Variants in RYR2 observed in about 807,000 individuals in gnomAD.
RYR2 encodes the protein ryanodine receptor 2.
In RYR2, 227 loss-of-function variants were observed where a neutral mutation model predicts 601.1. The observed-to-expected ratio is 0.38, with a 90% CI of 0.34 to 0.42. The LOEUF is 0.42. Among genes scored for constraint, RYR2 ranks in the 10% least tolerant of loss-of-function variants. RYR2 has a pLI of 1.00. For missense variants in RYR2, 4,646 were observed against 6,156.5 expected, an observed-to-expected ratio of 0.75 and a Z score of 8.21; for synonymous variants, 2,223 against 2,175.1, an observed-to-expected ratio of 1.02 and a Z score of -0.61.
Position 237,491,828 on chromosome 1 carries a change from T to C in RYR2, c.1731T>C (p.Cys577=), listed in dbSNP as rs1663383403. 3 of 1,468,298 alleles carry C rather than the reference T, an allele frequency of 2.0e-6. No homozygotes were observed. Among genetic ancestry groups the C allele is most frequent in the Non-Finnish European group, 2.8e-6 (3 of 1,068,416 alleles). The allele number at this position is 1,468,298 out of a possible 1,614,324, so 91.0% of individuals were successfully genotyped here. A position where few individuals can be genotyped will look rare whatever the true frequency, so the allele number is the denominator to read the frequency against. Residue 577 remains cysteine, a synonymous_variant, in exon 18 of 105, where the codon TGT becomes TGC. Coordinates refer to ENST00000366574, the MANE Select transcript of RYR2 (RefSeq NM_001035.3). ...ASSGILEVLH[C]VLVESPEALN... ...TAGGCATTCTGGAAGTTTTACACTGTGTTTTAGTAGAAAGTCCAGAAGCTC... is the reference window on the plus strand; with the variant it reads ...TAGGCATTCTGGAAGTTTTACACTGCGTTTTAGTAGAAAGTCCAGAAGCTC...
intron 16 of RYR2, among the ~76,000 whole-genome samples, chr1:237,459,115 G>T (rs1049213944): frequency 5.3e-5 from 8 of 152,348 alleles, no homozygotes; most frequent in African/African-American, 1.9e-4. Flanking sequence ...TGCAAATGCA[G>T]AAGTTATAGC....
intron 1 of RYR2, among the ~76,000 whole-genome samples, chr1:237,246,373 G>A (rs938031914): frequency 1.3e-5 from 2 of 152,156 alleles, no homozygotes; most frequent in Non-Finnish European, 2.9e-5. Flanking sequence ...TGAGATTACA[G>A]GCGTGAGCCA....
chr1:237,230,927 CAAAA>C (rs34596432), intron 1 of RYR2, among the ~76,000 whole-genome samples: 3 of 105,880 alleles, frequency 2.8e-5, no homozygotes, highest in African/African-American at 1.1e-4. Context: ...AGACTCGTCT[CAAAA>C]AAAAAAAAAA....
At position 237,504,177 on chromosome 1, in the gene RYR2, G is replaced by A. The variant is rs113325419; in HGVS notation, c.2613+672G>A. 3.6e-3 allele frequency among the ~76,000 whole-genome samples: 552 copies of A among 152,244 alleles called. 8 individuals carry two copies. The highest frequency in any genetic ancestry group is 0.013 in the African/African-American group (532 of 41,540). ...AGTGCATATTATACTTTTCATGCAC[G>A]TCTGTGTGAAGAGACTACTAAACAG... is the stretch of plus-strand genomic sequence containing the variant. On this transcript the variant is annotated intron_variant, in intron 22 of 104. Coordinates refer to ENST00000366574, the MANE Select transcript of RYR2 (RefSeq NM_001035.3).
chr1:237,667,343 A>G (rs1684416729), intron 57 of RYR2, among the ~76,000 whole-genome samples: 1 of 152,210 alleles, frequency 6.6e-6, no homozygotes, highest in South Asian at 2.1e-4. Flanking sequence ...TCCCATATGA[A>G]CGTATTAAAA....
At chr1:237,319,010 A>AT (rs917033910) in intron 2 of RYR2, among the ~76,000 whole-genome samples, 9 of 150,762 alleles carry the variant, frequency 6.0e-5, no homozygotes, top group East Asian at 1.9e-4. Flanking sequence ...TTTGTCAATG[A>AT]TTTTTTTTTC....
chr1:237,552,495 A>G (rs1279888317), intron 27 of RYR2, among the ~76,000 whole-genome samples: 1 of 152,066 alleles, frequency 6.6e-6, no homozygotes, highest in Non-Finnish European at 1.5e-5. Flanking sequence ...ACTACCGAAA[A>G]CACCTCCAAT....
rs141808175 is a variant in RYR2 at position 237,619,309 on chromosome 1, C to T, written c.5916+1823C>T. ...ATGGAAAAGAAATAGAAAGCCTCAACGGCAGAGAAACAAAATATATGGCAA... is the reference window on the plus strand; with the variant it reads ...ATGGAAAAGAAATAGAAAGCCTCAATGGCAGAGAAACAAAATATATGGCAA... On this transcript the variant is annotated intron_variant, in intron 38 of 104. Coordinates refer to ENST00000366574, the MANE Select transcript of RYR2 (RefSeq NM_001035.3). Among the ~76,000 whole-genome samples the T allele has an allele frequency of 7.6e-3, 1,162 of 152,076 alleles. 12 individuals are homozygous for T. Among genetic ancestry groups the T allele is most frequent in the African/African-American group, 0.025 (1,018 of 41,462 alleles).
At chr1:237,706,438 G>A (rs1367655797) in intron 67 of RYR2, among the ~76,000 whole-genome samples, 1 of 152,162 alleles carries the variant, frequency 6.6e-6, no homozygotes. Flanking sequence ...GTGCAATTTT[G>A]CTGCACAGTG....
intron 16 of RYR2, among the ~76,000 whole-genome samples, chr1:237,461,030 T>G (rs1028277654): frequency 1.3e-5 from 2 of 152,218 alleles, no homozygotes; most frequent in Non-Finnish European, 2.9e-5. Context: ...GAAACTTTAC[T>G]TAGATTTGTT....
At chr1:237,333,978 T>G (rs1472022627) in intron 3 of RYR2, among the ~76,000 whole-genome samples, 1 of 152,220 alleles carries the variant, frequency 6.6e-6, no homozygotes, top group Non-Finnish European at 1.5e-5. Context: ...CCTGTTCTTT[T>G]TTATTTAATA....
chr1:237,334,306 T>G (rs2149584262), intron 3 of RYR2, among the ~76,000 whole-genome samples: 1 of 152,154 alleles, frequency 6.6e-6, no homozygotes, highest in East Asian at 1.9e-4. Flanking sequence ...AAATATTACC[T>G]AATGTATGAA....
Position 237,830,565 on chromosome 1 carries a change from C to T in RYR2, c.14691C>T (p.Tyr4897=). ...KCFICGIGND[Y]FDTVPHGFET... ...TCATCTGTGGGATAGGCAATGATTA[C>T]TTCGACACAGTGCCACATGGCTTTG... The change falls in exon 103 of 105, where the codon TAC becomes TAT. Residue 4897 remains tyrosine, a synonymous_variant. Transcript: ENST00000366574. 6.2e-7 allele frequency: 1 copy of T among 1,611,088 alleles called. No homozygotes were observed. Among genetic ancestry groups the T allele is most frequent in the Non-Finnish European group, 8.5e-7 (1 of 1,177,292 alleles).
intron 2 of RYR2, among the ~76,000 whole-genome samples, chr1:237,323,742 A>C (rs913088565): frequency 6.6e-6 from 1 of 152,168 alleles, no homozygotes; most frequent in Non-Finnish European, 1.5e-5. Flanking sequence ...CACTCATTTA[A>C]ACGTGCTGCT....
At chr1:237,595,723 C>T (rs547986065) in intron 34 of RYR2, 66 bp downstream of exon 34, 3 of 1,529,752 alleles carry the variant, frequency 2.0e-6, no homozygotes, top group Admixed American at 2.3e-5. Flanking sequence ...TAAAGGAAAA[C>T]ACAGTTTGTA....
intron 2 of RYR2, among the ~76,000 whole-genome samples, chr1:237,305,712 A>G (rs1693803047): frequency 6.6e-6 from 1 of 152,340 alleles, no homozygotes; most frequent in East Asian, 1.9e-4. Flanking sequence ...CATTACAGGC[A>G]TGAGCCACTG....
intron 25 of RYR2, among the ~76,000 whole-genome samples, chr1:237,535,777 T>C (rs2147982048): frequency 6.6e-6 from 1 of 152,314 alleles, no homozygotes; most frequent in South Asian, 2.1e-4. Flanking sequence ...AGTGAAAAGA[T>C]AGGTTAACAT....
intron 1 of RYR2, among the ~76,000 whole-genome samples, chr1:237,169,296 T>C (rs1315216111): frequency 2.0e-5 from 3 of 147,818 alleles, no homozygotes; most frequent in African/African-American, 7.4e-5. Context: ...GCCTTTTTTT[T>C]TTCTTCTTCT....
chr1:237,815,401 C>CA (rs1661713676), intron 100 of RYR2, among the ~76,000 whole-genome samples: 1 of 152,204 alleles, frequency 6.6e-6, no homozygotes, highest in South Asian at 2.1e-4. Flanking sequence ...CAGCCAACTA[C>CA]ATACAGTTGT....
Sources: gnomAD v4.1 joint callset for allele counts (sites outside exome capture counted in the v4.1 genomes callset) on GRCh38, gnomAD v4.1.1 for gene constraint, MANE v1.5 for transcripts, NCBI Gene and HGNC (gene_info 2026-07-23, HGNC 2026-07-21) for gene names.